Variants in AMOTL1 observed in about 807,000 individuals in gnomAD.
AMOTL1 encodes angiomotin like 1, also known as angiomotin-like protein 1.
A neutral mutation model predicts 102.9 loss-of-function variants in AMOTL1; 45 were observed. The observed-to-expected ratio is 0.44, with a 90% CI of 0.34 to 0.56. AMOTL1 has a LOEUF of 0.56. Among genes scored for constraint, AMOTL1 ranks in the 20% least tolerant of loss-of-function variants. AMOTL1 has a pLI of 0.01. For missense variants in AMOTL1, 1,114 were observed against 1,225.6 expected (o/e 0.91, Z 1.36); for synonymous variants, 481 against 484.7 (o/e 0.99, Z 0.10).
intron 1 of AMOTL1, among the ~76,000 whole-genome samples, chr11:94,781,576 G>A (rs1201097395): frequency 1.3e-5 from 2 of 152,136 alleles, no homozygotes; most frequent in African/African-American, 4.8e-5. Context: ...GGTGGCTCAC[G>A]CCTGTAATCC....
At chr11:94,812,177 A>C (rs1012729634) in intron 3 of AMOTL1, among the ~76,000 whole-genome samples, 1 of 152,198 alleles carries the variant, frequency 6.6e-6, no homozygotes, top group Non-Finnish European at 1.5e-5. Context: ...GTACAGGGGA[A>C]CCACCACTCA....
chr11:94,784,078 T>G (rs1488798349), intron 1 of AMOTL1, among the ~76,000 whole-genome samples: 1 of 152,192 alleles, frequency 6.6e-6, no homozygotes, highest in Non-Finnish European at 1.5e-5. Flanking sequence ...ATATGAGGAT[T>G]ACCTGAGATA....
chr11:94,725,537 C>A (rs1950243996), intron 1 of AMOTL1, among the ~76,000 whole-genome samples: 1 of 152,096 alleles, frequency 6.6e-6, no homozygotes, highest in South Asian at 2.1e-4. Context: ...GATCTTTACT[C>A]TCAAGTGCAT....
At chr11:94,824,851 G>T (rs1951935051) in intron 4 of AMOTL1, among the ~76,000 whole-genome samples, 1 of 152,228 alleles carries the variant, frequency 6.6e-6, no homozygotes, top group South Asian at 2.1e-4. Context: ...TTGCAGAGAT[G>T]CATTGTAAGG....
chr11:94,840,681 T>TATATATATATATATATACAC lies in AMOTL1; in HGVS notation c.1648+9141_1648+9142insTATATATATATATATACACA, dbSNP rs1166713705. On this transcript the variant is annotated intron_variant, in intron 6 of 12. Coordinates refer to ENST00000433060, the MANE Select transcript of AMOTL1 (RefSeq NM_130847.3). ...ATATATATATATATATATATATATATACACACACACACACACACACACACA... is the reference window on the plus strand; with the variant it reads ...ATATATATATATATATATATATATATATATATATATATATATACACACACACACACACACACACACACACA... Among the ~76,000 whole-genome samples, 3 of 104,774 alleles carry TATATATATATATATATACAC rather than the reference T, an allele frequency of 2.9e-5. No individual in the cohort carries two copies. In the South Asian group the frequency reaches 1.0e-3, roughly 35 times the overall value. 68.7% of individuals were successfully genotyped at this position (104,774 alleles called of 152,430 possible).
chr11:94,786,905 C>T (rs2847505), intron 1 of AMOTL1, among the ~76,000 whole-genome samples: 147,660 of 152,304 alleles, frequency 0.97, 71,693 homozygotes, highest in East Asian at 1. Context: ...AGAAACTCTT[C>T]GGTACTAGGA....
At chr11:94,710,300 T>C (rs1950003158) in intron 1 of AMOTL1, among the ~76,000 whole-genome samples, 1 of 152,186 alleles carries the variant, frequency 6.6e-6, no homozygotes, top group Admixed American at 6.5e-5. Flanking sequence ...TTAAACAGGC[T>C]TTGGTGAAGA....
chr11:94,709,298 C>G (rs1447821997), intron 1 of AMOTL1, among the ~76,000 whole-genome samples: 1 of 152,076 alleles, frequency 6.6e-6, no homozygotes, highest in Non-Finnish European at 1.5e-5. Context: ...GGTTTCTTGT[C>G]TCAGTTACTT....
chr11:94,860,288 C>T (rs1012980108), intron 9 of AMOTL1, among the ~76,000 whole-genome samples: 5 of 152,146 alleles, frequency 3.3e-5, no homozygotes, highest in Non-Finnish European at 1.5e-5. Flanking sequence ...TTCCTAATCA[C>T]AATGGTAGTG....
At chr11:94,785,546 G>A (rs532174027) in intron 1 of AMOTL1, among the ~76,000 whole-genome samples, 10 of 152,256 alleles carry the variant, frequency 6.6e-5, no homozygotes, top group Admixed American at 6.5e-4. Context: ...GGAGATATTG[G>A]TTGTTTAAAT....
chr11:94,862,399 G>C (rs1038282387), intron 9 of AMOTL1, among the ~76,000 whole-genome samples: 2 of 152,162 alleles, frequency 1.3e-5, no homozygotes, highest in Non-Finnish European at 2.9e-5. Flanking sequence ...TGGTAAAAAT[G>C]ACTATTTCCA....
chr11:94,770,062 C>A (rs1204564608), intron 1 of AMOTL1, among the ~76,000 whole-genome samples: 1 of 152,156 alleles, frequency 6.6e-6, no homozygotes, highest in Non-Finnish European at 1.5e-5. Flanking sequence ...ACAATCATGG[C>A]TCCCTGCTTC....
At chr11:94,759,510 C>T (rs1225779402) in intron 3 of AMOTL1, among the ~76,000 whole-genome samples, 4 of 146,254 alleles carry the variant, frequency 2.7e-5, no homozygotes, top group Admixed American at 2.1e-4. Flanking sequence ...TAATGTGCCC[C>T]AAATGCAGCT....
chr11:94,752,891 G>C (rs1250333402), intron 3 of AMOTL1, among the ~76,000 whole-genome samples: 1 of 152,146 alleles, frequency 6.6e-6, no homozygotes, highest in African/African-American at 2.4e-5. Flanking sequence ...AAACCTGCCA[G>C]GGCTCCTTTG....
At chr11:94,828,992 G>T (rs2135654999) in intron 4 of AMOTL1, among the ~76,000 whole-genome samples, 1 of 152,172 alleles carries the variant, frequency 6.6e-6, no homozygotes, top group South Asian at 2.1e-4. Flanking sequence ...ACAATACAAT[G>T]GGATTTATTG....
chr11:94,870,641 T>C, intron 12 of AMOTL1, 48 bp from the exon 13 acceptor site: 2 of 1,477,254 alleles, frequency 1.4e-6, no homozygotes, highest in African/African-American at 1.4e-5. Flanking sequence ...GGAAAGCCTA[T>C]GCCCCTCCTG....
At chr11:94,849,970 T>C (rs1952497319) in intron 6 of AMOTL1, 144 bp from the exon 7 acceptor site, 6 of 1,061,090 alleles carry the variant, frequency 5.7e-6, no homozygotes, top group East Asian at 2.7e-5. Context: ...ACCACCACTA[T>C]GAAAAGGGAG....
chr11:94,781,603 C>T (rs561981479), intron 1 of AMOTL1, among the ~76,000 whole-genome samples: 2 of 152,104 alleles, frequency 1.3e-5, no homozygotes, highest in South Asian at 2.1e-4. Flanking sequence ...TTTGGGAGGC[C>T]GAGGTGGTGG....
In AMOTL1 at chr11:94,859,574, C is replaced by A. The variant is rs747845157; in HGVS notation, c.1994C>A (p.Ala665Asp). 1.9e-6 allele frequency: 3 copies of A among 1,613,838 alleles called. No homozygotes were observed. Among genetic ancestry groups the A allele is most frequent in the Non-Finnish European group, 2.5e-6 (3 of 1,179,816 alleles). The change falls in exon 9 of 13, where the codon GCC becomes GAC. Residue 665 changes from alanine to aspartate, a missense_variant. Coordinates refer to ENST00000433060, the MANE Select transcript of AMOTL1 (RefSeq NM_130847.3). ...PANMPEYNAP[A>D]LLELVREKEE... ...AACATGCCGGAATACAATGCCCCAG[C>A]CCTCCTGGAACTTGTGCGGGAGAAG...
Sources: gnomAD v4.1 joint callset for allele counts (sites outside exome capture counted in the v4.1 genomes callset) on GRCh38, gnomAD v4.1.1 for gene constraint, MANE v1.5 for transcripts, NCBI Gene and HGNC (gene_info 2026-07-23, HGNC 2026-07-21) for gene names.